CLRN1: variants seen among roughly 807,000 people sequenced by gnomAD.
CLRN1 encodes the protein clarin-1.
In CLRN1, 15 loss-of-function variants were observed where a neutral mutation model predicts 18.7. The ratio of observed to expected loss-of-function variants is 0.80; its 90% CI spans 0.54 to 1.23. The LOEUF is 1.23. Ranked by LOEUF, CLRN1 falls within the 50% of genes most tolerant of loss-of-function variation. The pLI is 0.00. For missense variants in CLRN1, 311 were observed against 277.5 expected (o/e 1.12, Z -0.86); for synonymous variants, 104 against 102.9 (o/e 1.01, Z -0.07).
intron 1 of CLRN1, among the ~76,000 whole-genome samples, chr3:150,946,732 T>C (rs1215026004): frequency 6.6e-6 from 1 of 150,762 alleles, no homozygotes; most frequent in Non-Finnish European, 1.5e-5. Flanking sequence ...TTTTTTCACT[T>C]TTTATTTTTT....
At chr3:150,942,125 C>G (rs1232261344) in intron 1 of CLRN1, among the ~76,000 whole-genome samples, 3 of 151,832 alleles carry the variant, frequency 2.0e-5, no homozygotes, top group Non-Finnish European at 4.4e-5. Context: ...TCTTAACTTG[C>G]AATGATATTT....
intron 2 of CLRN1, among the ~76,000 whole-genome samples, chr3:150,931,387 T>C (rs987829186): frequency 6.6e-6 from 1 of 152,170 alleles, no homozygotes; most frequent in Non-Finnish European, 1.5e-5. Context: ...CTGTCTCTCT[T>C]CTGGAGAGGT....
intron 1 of CLRN1, among the ~76,000 whole-genome samples, chr3:150,951,881 G>A (rs1356287178): frequency 6.6e-6 from 1 of 152,246 alleles, no homozygotes; most frequent in East Asian, 1.9e-4. Context: ...GGGGGACCGT[G>A]CTAAACCATT....
intron 1 of CLRN1, among the ~76,000 whole-genome samples, chr3:150,952,415 C>T (rs1714537011): frequency 6.6e-6 from 1 of 152,154 alleles, no homozygotes; most frequent in East Asian, 1.9e-4. Flanking sequence ...AGGCAATGTG[C>T]GTCCTGAGCA....
chr3:150,940,494 C>T (rs1188397468), intron 2 of CLRN1: 2 of 1,534,338 alleles, frequency 1.3e-6, no homozygotes, highest in East Asian at 4.9e-5. Flanking sequence ...GAGCCTGGTG[C>T]CTGGTAGCTG....
chr3:150,935,594 G>A (rs367578219), intron 2 of CLRN1, among the ~76,000 whole-genome samples: 72 of 149,284 alleles, frequency 4.8e-4, no homozygotes, highest in Middle Eastern at 6.9e-3. Context: ...GAATAGTGCC[G>A]CAATAAACAT....
upstream of CLRN1, chr3:150,972,893 C>T (rs1715626755): frequency 2.6e-6 from 2 of 774,060 alleles, no homozygotes; most frequent in Non-Finnish European, 4.4e-6. Flanking sequence ...CTCATCATCA[C>T]TCATACTTGG....
chr3:150,945,844 T>G (rs1714138535), intron 1 of CLRN1, among the ~76,000 whole-genome samples: 1 of 152,220 alleles, frequency 6.6e-6, no homozygotes, highest in Non-Finnish European at 1.5e-5. Flanking sequence ...TATAACCTCC[T>G]TTGAGGCAGC....
In CLRN1 at chr3:150,927,757, C is replaced by T. The variant is rs780180912; in HGVS notation, c.*179G>A. 5.7e-6 allele frequency: 5 copies of T among 876,570 alleles called. No homozygotes were observed. Among genetic ancestry groups the T allele is most frequent in the Non-Finnish European group, 9.1e-6 (5 of 547,108 alleles). The allele number at this position is 876,570 out of a possible 1,614,324, so 54.3% of individuals were successfully genotyped here. A position where few individuals can be genotyped will look rare whatever the true frequency, so the allele number is the denominator to read the frequency against. On this transcript the variant is annotated 3_prime_UTR_variant, in exon 3 of 3. Transcript: ENST00000327047. ...CACCAGATAAAACAACTTTTCAAAG[C>T]CTTCCTTCTGCTTCCCTTACTTTCC...
intron 1 of CLRN1, among the ~76,000 whole-genome samples, chr3:150,970,160 CCACTACTGAGAAAGT>C (rs1482333893): frequency 1.3e-5 from 2 of 152,108 alleles, no homozygotes; most frequent in African/African-American, 2.4e-5. Flanking sequence ...TCCAAGGAAG[CCACTACTGAGAAAGT>C]AAGGTTAGAT....
intron 2 of CLRN1, among the ~76,000 whole-genome samples, chr3:150,937,568 T>C (rs1713566851): frequency 6.6e-6 from 1 of 151,950 alleles, no homozygotes; most frequent in Admixed American, 6.6e-5. Flanking sequence ...AGCGAATCAC[T>C]GCCCAAAATG....
chr3:150,963,046 A>G (rs925539626), intron 1 of CLRN1, among the ~76,000 whole-genome samples: 4 of 152,198 alleles, frequency 2.6e-5, no homozygotes, highest in Admixed American at 2.6e-4. Flanking sequence ...TCAACACAGT[A>G]TTGGAAGTTC....
At chr3:150,953,444 A>G (rs190730753) in intron 1 of CLRN1, among the ~76,000 whole-genome samples, 2 of 152,214 alleles carry the variant, frequency 1.3e-5, no homozygotes, top group Non-Finnish European at 2.9e-5. Flanking sequence ...TCTCTCCATT[A>G]TCACCAAACT....
intron 1 of CLRN1, among the ~76,000 whole-genome samples, chr3:150,963,789 A>C (rs1715142055): frequency 6.6e-6 from 1 of 152,216 alleles, no homozygotes; most frequent in African/African-American, 2.4e-5. Flanking sequence ...CTCTTTGACA[A>C]ACCTGACAAA....
intron 1 of CLRN1, among the ~76,000 whole-genome samples, chr3:150,958,009 A>G (rs1465640165): frequency 1.3e-5 from 2 of 152,048 alleles, no homozygotes; most frequent in Non-Finnish European, 2.9e-5. Context: ...TCTCATCTTC[A>G]GTTATGGTTC....
At chr3:150,950,876 A>G (rs1714449957) in intron 1 of CLRN1, among the ~76,000 whole-genome samples, 1 of 152,238 alleles carries the variant, frequency 6.6e-6, no homozygotes, top group African/African-American at 2.4e-5. Flanking sequence ...ACAATTCTGA[A>G]GACACAGAAT....
chr3:150,934,053 G>A (rs971426417), intron 2 of CLRN1, among the ~76,000 whole-genome samples: 4 of 151,784 alleles, frequency 2.6e-5, no homozygotes, highest in South Asian at 2.1e-4. Flanking sequence ...TCTCTTTCTC[G>A]AACTCCTGAA....
At chr3:150,962,238 C>T (rs1445695629) in intron 1 of CLRN1, among the ~76,000 whole-genome samples, 1 of 152,148 alleles carries the variant, frequency 6.6e-6, no homozygotes, top group East Asian at 1.9e-4. Flanking sequence ...AATATGAACC[C>T]TGCATAAATT....
In CLRN1 at chr3:150,926,948, AG is replaced by A; in HGVS notation, c.*987del. On this transcript the variant is annotated 3_prime_UTR_variant, in exon 3 of 3. Transcript: ENST00000327047. ...GTCATGCTTGGTGACAGCCAGAACA[AG>A]ACCAAGATGATACAGTGATACCGTC... 1 of 1,611,790 alleles carries A rather than the reference AG, an allele frequency of 6.2e-7. No homozygotes were observed. Among genetic ancestry groups the A allele is most frequent in the South Asian group, 1.1e-5 (1 of 90,790 alleles).
Sources: allele counts gnomAD v4.1 joint callset (sites outside exome capture counted in the v4.1 genomes callset), GRCh38; gene constraint gnomAD v4.1.1; transcripts MANE v1.5; gene names NCBI Gene and HGNC (gene_info 2026-07-23, HGNC 2026-07-21).